MAP2: variants seen among roughly 807,000 people sequenced by gnomAD.
The protein encoded by MAP2 is microtubule-associated protein 2.
Under a neutral mutation model 137.6 loss-of-function variants are expected in MAP2, and 14 were observed. The observed-to-expected ratio is 0.10, with a 90% CI of 0.07 to 0.16. MAP2 has a LOEUF of 0.16. Among genes scored for constraint, MAP2 ranks in the 10% least tolerant of loss-of-function variants. The pLI is 1.00. For synonymous variants in MAP2, 786 were observed against 782.3 expected (o/e 1.00, Z -0.08); for missense variants, 2,088 against 2,191.5 (o/e 0.95, Z 0.94).
At chr2:209,478,166 G>A (rs1320617662) in intron 1 of MAP2, among the ~76,000 whole-genome samples, 2 of 152,020 alleles carry the variant, frequency 1.3e-5, no homozygotes, top group Non-Finnish European at 1.5e-5. Flanking sequence ...TGGTAAACAC[G>A]TCATTATTGC....
At chr2:209,684,390 C>T (rs1406228163) in intron 7 of MAP2, among the ~76,000 whole-genome samples, 4 of 152,196 alleles carry the variant, frequency 2.6e-5, no homozygotes. Context: ...CAGTCAAAAG[C>T]TGGCAGAATG....
intron 2 of MAP2, among the ~76,000 whole-genome samples, chr2:209,540,593 T>A (rs1368949355): frequency 8.7e-6 from 1 of 115,158 alleles, no homozygotes; most frequent in Non-Finnish European, 1.6e-5. Context: ...ATCGCGCCAT[T>A]GCACTCCAGC....
chr2:209,469,548 A>C (rs1285891768), intron 1 of MAP2, among the ~76,000 whole-genome samples: 1 of 151,942 alleles, frequency 6.6e-6, no homozygotes, highest in Non-Finnish European at 1.5e-5. Context: ...TTCCATCTCC[A>C]TCTTGTTAGG....
intron 3 of MAP2, among the ~76,000 whole-genome samples, chr2:209,611,929 C>T (rs2087028405): frequency 6.6e-6 from 1 of 152,024 alleles, no homozygotes; most frequent in Non-Finnish European, 1.5e-5. Flanking sequence ...TAAAGTAACC[C>T]TAAAACCTAT....
chr2:209,539,137 C>G (rs566240153), intron 2 of MAP2, among the ~76,000 whole-genome samples: 2 of 152,172 alleles, frequency 1.3e-5, no homozygotes, highest in South Asian at 4.2e-4. Flanking sequence ...TTTATTTGAC[C>G]TGCTGATCCT....
chr2:209,647,732 G>C (rs369721942), intron 4 of MAP2, among the ~76,000 whole-genome samples: 1 of 151,994 alleles, frequency 6.6e-6, no homozygotes, highest in Non-Finnish European at 1.5e-5. Context: ...GTCAGAGGTT[G>C]GTATGAAAAC....
At position 209,501,247 on chromosome 2, in the gene MAP2, A is replaced by G. The variant is rs551229402; in HGVS notation, c.-221-6345A>G. 3.9e-5 allele frequency among the ~76,000 whole-genome samples: 6 copies of G among 152,312 alleles called. No individual in the cohort carries two copies. In the South Asian group the frequency reaches 8.3e-4, roughly 21 times the overall value. ...TCAAGTGTAACTTTAACAAGGGAGA[A>G]GCATAAGAAATATAAAAATTGTGAA... is the stretch of plus-strand genomic sequence containing the variant. On this transcript the variant is annotated intron_variant, in intron 1 of 15. Transcript: ENST00000682079.
In MAP2 at chr2:209,695,117, G is replaced by A. The variant is rs200573921; in HGVS notation, c.2947G>A (p.Ala983Thr). 1 of 1,614,114 alleles carries A rather than the reference G, an allele frequency of 6.2e-7. No homozygotes were observed. Among genetic ancestry groups the A allele is most frequent in the Middle Eastern group, 1.7e-4 (1 of 6,060 alleles). ...AGAACATGCCAAGAAAACTGAAGAGGCTGGTGATGAAATAGAAACATTCGG... is the reference window on the plus strand; with the variant it reads ...AGAACATGCCAAGAAAACTGAAGAGACTGGTGATGAAATAGAAACATTCGG... ...SKEHAKKTEEAGDEIETFGLG... is the reference protein window; with the variant it reads ...SKEHAKKTEETGDEIETFGLG... Residue 983 changes from alanine to threonine, a missense_variant, in exon 8 of 16, where the codon GCT becomes ACT. Transcript: ENST00000682079.
intron 2 of MAP2, among the ~76,000 whole-genome samples, chr2:209,538,415 T>C (rs1006253104): frequency 3.9e-5 from 6 of 152,134 alleles, no homozygotes; most frequent in African/African-American, 1.4e-4. Flanking sequence ...GTTCCTCAAA[T>C]GTTTTTTAGC....
intron 10 of MAP2, among the ~76,000 whole-genome samples, chr2:209,698,725 G>C (rs1050935933): frequency 5.3e-5 from 8 of 152,162 alleles, no homozygotes; most frequent in Non-Finnish European, 1.2e-4. Flanking sequence ...GAATTAACGT[G>C]ACATACCTCA....
intron 4 of MAP2, among the ~76,000 whole-genome samples, chr2:209,636,917 T>C (rs112239507): frequency 7.2e-5 from 11 of 152,280 alleles, no homozygotes; most frequent in African/African-American, 2.6e-4. Context: ...CCTGCAATTA[T>C]TCTTTCTGGC....
chr2:209,624,031 T>C (rs1395055660), intron 3 of MAP2, among the ~76,000 whole-genome samples: 3 of 152,198 alleles, frequency 2.0e-5, no homozygotes. Flanking sequence ...TATTTTTTGC[T>C]TTTGAATCAA....
At chr2:209,548,325 A>T (rs1471980038) in intron 2 of MAP2, among the ~76,000 whole-genome samples, 1 of 152,236 alleles carries the variant, frequency 6.6e-6, no homozygotes, top group Non-Finnish European at 1.5e-5. Context: ...ATTAGCTTAC[A>T]TTCAGAGGGA....
chr2:209,502,934 A>G (rs2060560375), intron 1 of MAP2, among the ~76,000 whole-genome samples: 1 of 142,938 alleles, frequency 7.0e-6, no homozygotes, highest in South Asian at 2.2e-4. Context: ...AAATCAGGTT[A>G]TTTTTATTTA....
chr2:209,559,047 A>G (rs1355453982), intron 2 of MAP2, among the ~76,000 whole-genome samples: 2 of 152,152 alleles, frequency 1.3e-5, no homozygotes, highest in Non-Finnish European at 2.9e-5. Context: ...CAGTTTCAGC[A>G]TACATCAGTG....
chr2:209,700,603 G>A (rs2061511304), intron 11 of MAP2, among the ~76,000 whole-genome samples: 2 of 152,060 alleles, frequency 1.3e-5, no homozygotes, highest in South Asian at 4.1e-4. Context: ...CAATGATATG[G>A]CAAAAGTAAG....
At chr2:209,508,826 C>A (rs2061398479) in intron 2 of MAP2, among the ~76,000 whole-genome samples, 1 of 151,718 alleles carries the variant, frequency 6.6e-6, no homozygotes, top group Non-Finnish European at 1.5e-5. Context: ...AGTTCGGGGT[C>A]AAATTTATTA....
At chr2:209,594,754 A>G (rs2080788027) in intron 3 of MAP2, among the ~76,000 whole-genome samples, 1 of 151,980 alleles carries the variant, frequency 6.6e-6, no homozygotes, top group Non-Finnish European at 1.5e-5. Context: ...TCATTGTTTT[A>G]CCTCTAGTAT....
chr2:209,706,405 T>C (rs972166031), intron 12 of MAP2, among the ~76,000 whole-genome samples: 2 of 152,142 alleles, frequency 1.3e-5, no homozygotes, highest in Admixed American at 6.6e-5. Context: ...TGAGCACATA[T>C]AGATACTAAA....
Sources: gnomAD v4.1 joint callset for allele counts (sites outside exome capture counted in the v4.1 genomes callset) on GRCh38, gnomAD v4.1.1 for gene constraint, MANE v1.5 for transcripts, NCBI Gene and HGNC (gene_info 2026-07-23, HGNC 2026-07-21) for gene names.